The following GRAMD1B variants were observed in gnomAD, a reference collection of about 807,000 sequenced individuals.
GRAMD1B encodes GRAM domain containing 1B.
In GRAMD1B, 37 loss-of-function variants were observed where a neutral mutation model predicts 99.7. The observed-to-expected ratio is 0.37, with a 90% confidence interval of 0.29 to 0.49. The LOEUF is 0.49. Ranked by LOEUF, GRAMD1B falls within the 20% of genes least tolerant of loss-of-function variation. GRAMD1B has a pLI of 0.98. For synonymous variants in GRAMD1B, 427 were observed against 387.6 expected (o/e 1.10, Z -1.19); for missense variants, 888 against 1,009.2 (o/e 0.88, Z 1.63).
At chr11:123,398,802 A>T (rs943942071) in intron 1 of GRAMD1B, among the ~76,000 whole-genome samples, 2 of 152,180 alleles carry the variant, frequency 1.3e-5, no homozygotes, top group African/African-American at 4.8e-5. Flanking sequence ...TACATATTTA[A>T]TGTATACAAC....
intron 2 of GRAMD1B, chr11:123,491,757 G>A (rs536365106): frequency 3.1e-4 from 123 of 397,384 alleles, no homozygotes; most frequent in Middle Eastern, 1.9e-3. Flanking sequence ...AGCTGGGGTA[G>A]CTGCAAGGGC....
At chr11:123,487,247 A>G (rs529872216) in intron 2 of GRAMD1B, among the ~76,000 whole-genome samples, 22 of 152,244 alleles carry the variant, frequency 1.4e-4, no homozygotes, top group Admixed American at 5.2e-4. Context: ...CCCCAGAGAA[A>G]CACAGCTACT....
chr11:123,510,939 G>A lies in GRAMD1B; in HGVS notation c.452+30046G>A, dbSNP rs1940936979. Among the ~76,000 whole-genome samples, 2 of 152,166 alleles carry A rather than the reference G, an allele frequency of 1.3e-5. No individual in the cohort carries two copies. Among genetic ancestry groups the A allele is most frequent in the Non-Finnish European group, 2.9e-5 (2 of 68,034 alleles). ...CTTGGAAGTCGGAGTGGGTGGATGA[G>A]GGGTGCAGGGTGGGGGGTGGAGGTA... On this transcript the variant is annotated intron_variant, in intron 2 of 19. Coordinates refer to ENST00000635736, the MANE Select transcript of GRAMD1B (RefSeq NM_001387025.1). The surrounding 1 kb of genome is among the most constrained non-coding windows in gnomAD (Gnocchi z 4.3).
chr11:123,551,095 C>T (rs1028903498), intron 2 of GRAMD1B, among the ~76,000 whole-genome samples: 4 of 152,198 alleles, frequency 2.6e-5, no homozygotes, highest in Non-Finnish European at 5.9e-5. Context: ...AGAAGTTCAA[C>T]TCTCACGCAC....
At chr11:123,514,375 G>C (rs772401470) in intron 2 of GRAMD1B, among the ~76,000 whole-genome samples, 2 of 152,180 alleles carry the variant, frequency 1.3e-5, no homozygotes, top group African/African-American at 4.8e-5. Context: ...CTGTGAACTT[G>C]AGTGGGTTAT....
intron 2 of GRAMD1B, among the ~76,000 whole-genome samples, chr11:123,573,627 A>G (rs1185405549): frequency 6.6e-6 from 1 of 152,236 alleles, no homozygotes; most frequent in Non-Finnish European, 1.5e-5. Context: ...TAATCTGTCA[A>G]GAATCCAAAT....
chr11:123,606,325 G>A (rs1055011807), intron 10 of GRAMD1B, among the ~76,000 whole-genome samples: 3 of 152,250 alleles, frequency 2.0e-5, no homozygotes, highest in Non-Finnish European at 2.9e-5. Context: ...GTGCAGGTGC[G>A]GCTCCAGGAA....
chr11:123,614,417 A>G (rs1049469939), intron 16 of GRAMD1B, among the ~76,000 whole-genome samples: 2 of 152,358 alleles, frequency 1.3e-5, no homozygotes, highest in East Asian at 3.9e-4. Context: ...ATCCAGACCC[A>G]GAAGCCAGCC....
chr11:123,464,279 G>C (rs1488684884), intron 1 of GRAMD1B, among the ~76,000 whole-genome samples: 1 of 152,054 alleles, frequency 6.6e-6, no homozygotes, highest in Non-Finnish European at 1.5e-5. Flanking sequence ...ACCCCAGCCT[G>C]GGAGACAGAG....
chr11:123,488,758 C>T (rs980108223), intron 2 of GRAMD1B, among the ~76,000 whole-genome samples: 1 of 152,090 alleles, frequency 6.6e-6, no homozygotes, highest in Non-Finnish European at 1.5e-5. Context: ...GGGAGCCCTA[C>T]CCTAGAAGTG....
At chr11:123,423,241 G>GAC (rs57312255) in intron 1 of GRAMD1B, among the ~76,000 whole-genome samples, 35,698 of 146,114 alleles carry the variant, frequency 0.24, 5,343 homozygotes, top group African/African-American at 0.43. Context: ...CCAACAATAA[G>GAC]ACACACACAC....
chr11:123,493,670 C>A (rs909259369), intron 2 of GRAMD1B, among the ~76,000 whole-genome samples: 1 of 152,150 alleles, frequency 6.6e-6, no homozygotes, highest in Non-Finnish European at 1.5e-5. Context: ...TCAGCTTGTT[C>A]CAGCTGATTA....
chr11:123,483,333 A>G (rs950136211), intron 2 of GRAMD1B, among the ~76,000 whole-genome samples: 10 of 151,990 alleles, frequency 6.6e-5, no homozygotes, highest in African/African-American at 2.4e-4. Flanking sequence ...TCTCAGGATG[A>G]CACGTAATTT....
intron 2 of GRAMD1B, among the ~76,000 whole-genome samples, chr11:123,530,237 T>C (rs1020875554): frequency 6.6e-6 from 1 of 151,218 alleles, no homozygotes; most frequent in Non-Finnish European, 1.5e-5. Context: ...TTCATGACCA[T>C]TAATGGTCAA....
intron 1 of GRAMD1B, among the ~76,000 whole-genome samples, chr11:123,446,950 GGAGAAAGA>G (rs1949672031): frequency 1.3e-5 from 2 of 151,878 alleles, no homozygotes; most frequent in South Asian, 2.1e-4. Flanking sequence ...AAAAAGAAAG[GGAGAAAGA>G]GAGAAAGAGA....
At chr11:123,582,708 G>A (rs1249800332) in intron 3 of GRAMD1B, among the ~76,000 whole-genome samples, 2 of 152,248 alleles carry the variant, frequency 1.3e-5, no homozygotes, top group African/African-American at 2.4e-5. Context: ...ACAGAGTTCA[G>A]GTGGAATGGG....
intron 1 of GRAMD1B, among the ~76,000 whole-genome samples, chr11:123,463,374 G>C (rs1444103166): frequency 1.3e-5 from 2 of 152,222 alleles, no homozygotes; most frequent in East Asian, 3.8e-4. Flanking sequence ...CCTGATGAGG[G>C]TAAAAAGTTG....
chr11:123,621,707 A>G (rs1037238537), intron 19 of GRAMD1B, among the ~76,000 whole-genome samples: 1 of 152,196 alleles, frequency 6.6e-6, no homozygotes, highest in African/African-American at 2.4e-5. Flanking sequence ...TGGTATATTA[A>G]GGATCATCAG....
intron 1 of GRAMD1B, chr11:123,480,596 A>C: frequency 2.8e-6 from 1 of 360,800 alleles, no homozygotes; most frequent in Non-Finnish European, 4.9e-6. Context: ...TTTGGCTGGC[A>C]ACAGACAGTC....
Sources: allele counts gnomAD v4.1 joint callset (sites outside exome capture counted in the v4.1 genomes callset), GRCh38; gene constraint gnomAD v4.1.1; non-coding constraint Gnocchi (gnomAD v3.1); transcripts MANE v1.5; gene names NCBI Gene and HGNC (gene_info 2026-07-23, HGNC 2026-07-21).